Variants in NEGR1 observed in about 807,000 individuals in gnomAD.
The protein encoded by NEGR1 is IgLON family member 4.
A neutral mutation model predicts 40.9 loss-of-function variants in NEGR1; 10 were observed. The observed-to-expected ratio is 0.24, with a 90% CI of 0.15 to 0.42. The LOEUF is 0.42. Among genes scored for constraint, NEGR1 ranks in the 10% least tolerant of loss-of-function variants. NEGR1 has a pLI of 1.00. For missense variants in NEGR1, 352 were observed against 438.9 expected, an observed-to-expected ratio of 0.80 and a Z score of 1.77; for synonymous variants, 185 against 166.8, an observed-to-expected ratio of 1.11 and a Z score of -0.84.
rs564046231 is a variant in NEGR1 at position 71,851,237 on chromosome 1, C to T, written c.410-74940G>A. ...ATTGGTTTTCATGTTGATATTACCG[C>T]CCACACAAATGATCCCTGGTTTATT... On this transcript the variant is annotated intron_variant, in intron 2 of 6. Coordinates refer to ENST00000357731, the MANE Select transcript of NEGR1 (RefSeq NM_173808.3). 2.6e-5 allele frequency among the ~76,000 whole-genome samples: 4 copies of T among 152,236 alleles called. No individual in the cohort carries two copies. In the South Asian group the frequency reaches 8.3e-4, roughly 32 times the overall value.
chr1:71,994,496 C>A (rs1350393721), intron 1 of NEGR1, among the ~76,000 whole-genome samples: 1 of 150,308 alleles, frequency 6.7e-6, no homozygotes, highest in Non-Finnish European at 1.5e-5. Context: ...CTACCGCACT[C>A]CAGCCTGGGC....
intron 1 of NEGR1, among the ~76,000 whole-genome samples, chr1:72,137,175 G>A (rs576308734): frequency 1.0e-3 from 157 of 152,268 alleles, no homozygotes; most frequent in Non-Finnish European, 1.8e-3. Flanking sequence ...AACCATTGTG[G>A]AAGACAGTGT....
At chr1:71,467,073 T>C (rs1017382077) in intron 6 of NEGR1, among the ~76,000 whole-genome samples, 5 of 152,134 alleles carry the variant, frequency 3.3e-5, no homozygotes, top group Non-Finnish European at 7.4e-5. Flanking sequence ...TATGTAGCAA[T>C]GTTAAAAACA....
rs530050261 is a variant in NEGR1, at chr1:72,084,472, A to C, written c.177-149161T>G. The stretch of plus-strand genomic sequence containing the variant: ...ATGCTCTTTCCTGAATTATTTTTCA[A>C]CTGTAATTGATCACCAATCAAAATA... On this transcript the variant is annotated intron_variant, in intron 1 of 6. Transcript: ENST00000357731. Among the ~76,000 whole-genome samples, 15 of 152,284 alleles carry C rather than the reference A, an allele frequency of 9.9e-5. No homozygotes were observed. In the East Asian group the frequency reaches 2.9e-3, roughly 29 times the overall value.
chr1:71,653,545 C>G (rs1651783489), intron 4 of NEGR1, among the ~76,000 whole-genome samples: 2 of 151,958 alleles, frequency 1.3e-5, no homozygotes, highest in East Asian at 3.9e-4. Flanking sequence ...TTTTTTTAAT[C>G]AATTGACTGT....
intron 6 of NEGR1, among the ~76,000 whole-genome samples, chr1:71,507,499 G>A (rs145756926): frequency 0.011 from 1,672 of 152,300 alleles, 10 homozygotes; most frequent in Non-Finnish European, 0.017. Flanking sequence ...GTATGCAAAA[G>A]TTATGTAACT....
chr1:72,269,357 A>G (rs1360995359), intron 1 of NEGR1, among the ~76,000 whole-genome samples: 2 of 151,662 alleles, frequency 1.3e-5, no homozygotes, highest in Non-Finnish European at 1.5e-5. Context: ...GTTCAGGGTT[A>G]TATCAGGATG....
At chr1:71,726,523 C>T (rs1311897873) in intron 3 of NEGR1, among the ~76,000 whole-genome samples, 2 of 152,102 alleles carry the variant, frequency 1.3e-5, no homozygotes, top group Non-Finnish European at 2.9e-5. Flanking sequence ...ACAAGCCCTA[C>T]ATTTCTTGGT....
intron 6 of NEGR1, among the ~76,000 whole-genome samples, chr1:71,577,270 G>A (rs936223032): frequency 2.6e-5 from 4 of 152,150 alleles, no homozygotes; most frequent in Admixed American, 1.3e-4. Flanking sequence ...AAATGTAGAT[G>A]AAATAATTTG....
intron 6 of NEGR1, chr1:71,571,067 A>T (rs1393834028): frequency 6.6e-6 from 1 of 152,188 alleles, no homozygotes; most frequent in African/African-American, 2.4e-5. Context: ...TTTCATTTTG[A>T]ACTCTGCATT....
intron 1 of NEGR1, among the ~76,000 whole-genome samples, chr1:71,989,818 ACT>A (rs1646433993): frequency 1.3e-5 from 2 of 152,074 alleles, no homozygotes; most frequent in East Asian, 1.9e-4. Context: ...CACATTTGTG[ACT>A]CTCTCAGTCA....
intron 1 of NEGR1, among the ~76,000 whole-genome samples, chr1:72,213,782 G>C (rs1218221201): frequency 2.0e-5 from 3 of 152,076 alleles, no homozygotes; most frequent in Non-Finnish European, 4.4e-5. Context: ...AATTCTACCA[G>C]AGGGACAAAG....
intron 6 of NEGR1, among the ~76,000 whole-genome samples, chr1:71,507,354 G>T (rs945417273): frequency 6.6e-6 from 1 of 152,144 alleles, no homozygotes; most frequent in Non-Finnish European, 1.5e-5. Context: ...TAATGGAAAA[G>T]AAATAATAAA....
intron 6 of NEGR1, among the ~76,000 whole-genome samples, chr1:71,590,531 G>A (rs2101518240): frequency 6.6e-6 from 1 of 151,916 alleles, no homozygotes; most frequent in East Asian, 1.9e-4. Flanking sequence ...GCCGGGTGTA[G>A]GCATTGTAGA....
At chr1:72,197,832 T>C (rs528060039) in intron 1 of NEGR1, among the ~76,000 whole-genome samples, 59 of 152,062 alleles carry the variant, frequency 3.9e-4, no homozygotes, top group Non-Finnish European at 6.6e-4. Context: ...GATTCTATGA[T>C]TTAAAAACAA....
intron 1 of NEGR1, among the ~76,000 whole-genome samples, chr1:72,055,161 A>G (rs898101310): frequency 6.6e-6 from 1 of 151,172 alleles, no homozygotes. Context: ...AATACTATAT[A>G]TTTTTATCTC....
At chr1:71,661,239 T>C (rs28445441) in intron 4 of NEGR1, among the ~76,000 whole-genome samples, 1 of 152,226 alleles carries the variant, frequency 6.6e-6, no homozygotes, top group Non-Finnish European at 1.5e-5. Flanking sequence ...CTGGGTGAAA[T>C]GGTATTTCTA....
At chr1:71,869,123 C>A (rs183905315) in intron 2 of NEGR1, among the ~76,000 whole-genome samples, 8 of 152,260 alleles carry the variant, frequency 5.3e-5, no homozygotes, top group African/African-American at 1.7e-4. Flanking sequence ...AGGCAGAATC[C>A]TTTCATGACT....
chr1:71,957,411 C>T (rs1432649359), intron 1 of NEGR1, among the ~76,000 whole-genome samples: 2 of 152,060 alleles, frequency 1.3e-5, no homozygotes, highest in African/African-American at 4.8e-5. Context: ...AGGCAGAGAG[C>T]TAGTCATTCT....
Sources: allele counts gnomAD v4.1 joint callset (sites outside exome capture counted in the v4.1 genomes callset), GRCh38; gene constraint gnomAD v4.1.1; transcripts MANE v1.5; gene names NCBI Gene and HGNC (gene_info 2026-07-23, HGNC 2026-07-21).